SETDB1: variants seen among roughly 807,000 people sequenced by gnomAD.
The protein encoded by SETDB1 is histone-lysine N-methyltransferase SETDB1.
SETDB1 carries 31 observed loss-of-function variants against 137.4 expected under a neutral mutation model. The observed-to-expected ratio is 0.23, with a 90% CI of 0.17 to 0.30. The LOEUF (loss-of-function observed/expected upper bound fraction) is 0.30, where lower values mean the gene tolerates loss of function less well. SETDB1 is among the 10% of genes least tolerant of loss of function. The pLI, the probability that SETDB1 is intolerant of heterozygous loss-of-function variation, is 1.00. For missense variants in SETDB1, 1,113 were observed against 1,631.5 expected, an observed-to-expected ratio of 0.68 and a Z score of 5.47; for synonymous variants, 548 against 579.9, an observed-to-expected ratio of 0.95 and a Z score of 0.79.
intron 2 of SETDB1, among the ~76,000 whole-genome samples, chr1:150,929,440 G>A (rs762911547): frequency 5.3e-5 from 8 of 151,488 alleles, no homozygotes; most frequent in Non-Finnish European, 1.0e-4. Context: ...GTACAGTGAC[G>A]TGATCTCGGC....
rs759449205 is a variant in SETDB1 at position 150,963,039 on chromosome 1, T to G, written c.3360T>G (p.Thr1120=). 1.2e-6 allele frequency: 2 copies of G among 1,614,190 alleles called. No homozygotes were observed. Among genetic ancestry groups the G allele is most frequent in the Admixed American group, 3.3e-5 (2 of 60,032 alleles). The change falls in exon 19 of 22, where the codon ACT becomes ACG. Residue 1120 remains threonine, a synonymous_variant. Transcript: ENST00000692827. ...AAAGTGGGACCAGCCGAAAGCCCAC[T>G]GCTGGTCAGACTTCGGCTACAGCGG... The part of the protein sequence containing the change: ...EGESGTSRKP[T]AGQTSATAVD...
intron 14 of SETDB1, 63 bp from the exon 15 acceptor site, chr1:150,959,115 T>C (rs1361603858): frequency 3.4e-6 from 4 of 1,177,394 alleles, no homozygotes; most frequent in Admixed American, 3.0e-5. Flanking sequence ...TATAATAGTT[T>C]TATGGATTTT....
Position 150,933,368 on chromosome 1 carries a change from C to CTTTTTTT in SETDB1, c.412+3261_412+3267dup, listed in dbSNP as rs71090112. 7.6e-5 allele frequency among the ~76,000 whole-genome samples: 9 copies of CTTTTTTT among 118,888 alleles called. 2 individuals are homozygous for CTTTTTTT. The highest frequency in any genetic ancestry group is 2.5e-4 in the East Asian group (1 of 4,070). 78.0% of individuals were successfully genotyped at this position (118,888 alleles called of 152,430 possible). ...AGCTACCATGCCTGGCCTATTTTGTCTTTTTTTTTTTTTTTTTGAGACAGT... is the reference window on the plus strand; with the variant it reads ...AGCTACCATGCCTGGCCTATTTTGTCTTTTTTTTTTTTTTTTTTTTTTTTGAGACAGT... On this transcript the variant is annotated intron_variant, in intron 3 of 21. Coordinates refer to ENST00000692827, the MANE Select transcript of SETDB1 (RefSeq NM_001366418.1).
At chr1:150,946,687 A>T (rs945321236) in intron 9 of SETDB1, among the ~76,000 whole-genome samples, 199 bp from the exon 10 acceptor site, 1 of 152,170 alleles carries the variant, frequency 6.6e-6, no homozygotes, top group African/African-American at 2.4e-5. Context: ...ACCTCGGGTG[A>T]TCCACCTGCC....
chr1:150,959,484 A>G, intron 15 of SETDB1, 137 bp downstream of exon 15: 1 of 693,806 alleles, frequency 1.4e-6, no homozygotes, highest in South Asian at 1.8e-5. Flanking sequence ...TCTACAAAGA[A>G]CGTGATGAGT....
intron 8 of SETDB1, among the ~76,000 whole-genome samples, chr1:150,944,420 C>T (rs1270599916): frequency 1.3e-5 from 2 of 152,186 alleles, no homozygotes; most frequent in African/African-American, 2.4e-5. Flanking sequence ...ATATTTGTTA[C>T]CCTGGCTTGG....
intron 2 of SETDB1, 122 bp from the exon 3 acceptor site, chr1:150,929,845 T>C: frequency 1.3e-6 from 1 of 759,426 alleles, no homozygotes; most frequent in Non-Finnish European, 2.1e-6. Flanking sequence ...AGAGACACTT[T>C]GGAATGTGGC....
At position 150,934,480 on chromosome 1, in the gene SETDB1, A is replaced by C. The variant is rs587671151; in HGVS notation, c.412+4362A>C. 1.6e-4 allele frequency among the ~76,000 whole-genome samples: 24 copies of C among 152,116 alleles called. 1 individual carries two copies. In the South Asian group the frequency reaches 4.8e-3, roughly 30 times the overall value. Reference sequence around the variant, plus strand: ...AGAGCGAGACTCCATCTCAAAAAATATATATATATACACAGCCACTTTGCA... The same window carrying C: ...AGAGCGAGACTCCATCTCAAAAAATCTATATATATACACAGCCACTTTGCA... On this transcript the variant is annotated intron_variant, in intron 3 of 21. Coordinates refer to ENST00000692827, the MANE Select transcript of SETDB1 (RefSeq NM_001366418.1).
intron 20 of SETDB1, 82 bp downstream of exon 20, chr1:150,963,823 T>C (rs1406762253): frequency 7.0e-7 from 1 of 1,430,216 alleles, no homozygotes; most frequent in Non-Finnish European, 9.8e-7. Context: ...TAAGCCCTTT[T>C]CTTGTTATAA....
At chr1:150,938,561 G>C (rs886485317) in intron 3 of SETDB1, among the ~76,000 whole-genome samples, 4 of 151,768 alleles carry the variant, frequency 2.6e-5, no homozygotes, top group African/African-American at 9.7e-5. Flanking sequence ...GCAGTGGCAC[G>C]ATCTCAGCTC....
At chr1:150,940,869 G>T (rs780943917) in intron 4 of SETDB1, among the ~76,000 whole-genome samples, 1 of 151,386 alleles carries the variant, frequency 6.6e-6, no homozygotes, top group South Asian at 2.1e-4. Context: ...ATGGTGGCAC[G>T]TGCCTGTAGT....
chr1:150,944,356 C>T (rs1272385474), intron 8 of SETDB1, among the ~76,000 whole-genome samples: 1 of 152,188 alleles, frequency 6.6e-6, no homozygotes, highest in Non-Finnish European at 1.5e-5. Flanking sequence ...AATGTGTAGT[C>T]TGCATAATGC....
In SETDB1 at chr1:150,964,011, A is replaced by G. The variant is rs778644661; in HGVS notation, c.3689A>G (p.Asn1230Ser). ...GRYLNHSCSPNLFVQNVFVDT... is the reference protein window; with the variant it reads ...GRYLNHSCSPSLFVQNVFVDT... ...AACCTACAGCACAGTTGCAGCCCCA[A>G]CCTGTTTGTCCAGAATGTCTTCGTG... Residue 1230 changes from asparagine (N) to serine (S), a missense_variant, in exon 21 of 22, where the codon AAC (asparagine) becomes AGC (serine). By Grantham distance (46) the Asn-to-Ser change is conservative. Coordinates refer to ENST00000692827, the MANE Select transcript of SETDB1 (RefSeq NM_001366418.1). 3.1e-6 allele frequency: 5 copies of G among 1,614,018 alleles called. No individual in the cohort carries two copies. Among genetic ancestry groups the G allele is most frequent in the South Asian group, 1.1e-5 (1 of 91,082 alleles).
At chr1:150,939,372 G>A (rs587643609) in intron 3 of SETDB1, among the ~76,000 whole-genome samples, 59 of 151,202 alleles carry the variant, frequency 3.9e-4, no homozygotes, top group South Asian at 2.5e-3. Flanking sequence ...CTGTCAACCA[G>A]GCTGGAGTGC....
intron 9 of SETDB1, among the ~76,000 whole-genome samples, chr1:150,945,554 T>C (rs1416083649): frequency 1.3e-5 from 2 of 152,248 alleles, no homozygotes; most frequent in Admixed American, 6.5e-5. Flanking sequence ...ATATTTCTTA[T>C]TTTTAAAAGT....
At position 150,945,052 on chromosome 1, in the gene SETDB1, T is replaced by C; in HGVS notation, c.1084T>C (p.Trp362Arg). The part of the protein sequence containing the change: ...QLIKTEWEGT[W>R]WKSRVEEVDG... Reference sequence around the variant, plus strand: ...TATCAAGACTGAGTGGGAAGGCACGTGGTGGAAGTCCCGAGTTGAGGAGGT... The same window carrying C: ...TATCAAGACTGAGTGGGAAGGCACGCGGTGGAAGTCCCGAGTTGAGGAGGT... Residue 362 changes from tryptophan to arginine, a missense_variant, in exon 9 of 22, where the codon TGG becomes CGG. Physicochemically the swap from Trp to Arg is moderately radical, Grantham distance 101. Transcript: ENST00000692827. The C allele has an allele frequency of 6.2e-7, 1 of 1,614,116 alleles. No homozygotes were observed. Among genetic ancestry groups the C allele is most frequent in the Middle Eastern group, 1.7e-4 (1 of 6,060 alleles).
At chr1:150,927,459 A>G (rs776352418) in intron 1 of SETDB1, among the ~76,000 whole-genome samples, 1 of 152,200 alleles carries the variant, frequency 6.6e-6, no homozygotes, top group Non-Finnish European at 1.5e-5. Flanking sequence ...CTACTGCTTA[A>G]TGAATGTTCT....
At chr1:150,946,522 C>T (rs1317495638) in intron 9 of SETDB1, among the ~76,000 whole-genome samples, 2 of 152,102 alleles carry the variant, frequency 1.3e-5, no homozygotes, top group Non-Finnish European at 2.9e-5. Context: ...AGTCTCGGCT[C>T]ACCACAACCT....
chr1:150,959,613 AG>A (rs1558026240), intron 15 of SETDB1, among the ~76,000 whole-genome samples: 2 of 152,242 alleles, frequency 1.3e-5, no homozygotes, highest in Admixed American at 6.5e-5. Flanking sequence ...TATAGAGTCC[AG>A]TGTATCATTT....
Sources: allele counts gnomAD v4.1 joint callset (sites outside exome capture counted in the v4.1 genomes callset), GRCh38; gene constraint gnomAD v4.1.1; transcripts MANE v1.5; gene names NCBI Gene and HGNC (gene_info 2026-07-23, HGNC 2026-07-21).